The following ZNF347 variants were observed in gnomAD, a reference collection of about 807,000 sequenced individuals.
The protein encoded by ZNF347 is zinc finger protein 347, also known as CTD-2620I22.7.
In ZNF347, 19 loss-of-function variants were observed where a neutral mutation model predicts 12.9. The ratio of observed to expected loss-of-function variants is 1.47; its 90% CI spans 1.03 to 2.16. The LOEUF (loss-of-function observed/expected upper bound fraction) is 2.16, where lower values mean the gene tolerates loss of function less well. Ranked by LOEUF, ZNF347 falls within the 30% of genes most tolerant of loss-of-function variation. The pLI is 0.00. For missense variants in ZNF347, 1,005 were observed against 990.6 expected (o/e 1.01, Z -0.19); for synonymous variants, 328 against 340.6 (o/e 0.96, Z 0.41).
chr19:53,138,665 T>C lies in ZNF347; in HGVS notation c.*1643A>G, dbSNP rs886941839. 3 of 152,188 alleles carry C rather than the reference T, an allele frequency of 2.0e-5. No individual in the cohort carries two copies. The highest frequency in any genetic ancestry group is 2.9e-5 in the Non-Finnish European group (2 of 68,016). The allele number at this position is 152,188 out of a possible 1,614,324, so 9.4% of individuals were successfully genotyped here. On this transcript the variant is annotated 3_prime_UTR_variant, in exon 5 of 5. Transcript: ENST00000334197. ...ATGATTACATTTTCCCAAAATTGTATGTTGATTCCACAAAGAAAAAAAAAA... is the reference window on the plus strand; with the variant it reads ...ATGATTACATTTTCCCAAAATTGTACGTTGATTCCACAAAGAAAAAAAAAA...
chr19:53,142,722 C>T (rs572647073), intron 4 of ZNF347, among the ~76,000 whole-genome samples, 166 bp from the exon 5 acceptor site: 4 of 152,152 alleles, frequency 2.6e-5, no homozygotes, highest in Non-Finnish European at 5.9e-5. Flanking sequence ...TTTTTAGGAA[C>T]ACAAAGGAAA....
rs2090381234 is a variant in ZNF347, at chr19:53,135,333, T to TAGAGAGAGAGAGAGAG, written c.*4974_*4975insCTCTCTCTCTCTCTCT. On this transcript the variant is annotated 3_prime_UTR_variant, in exon 5 of 5. Coordinates refer to ENST00000334197, the MANE Select transcript of ZNF347 (RefSeq NM_032584.3). ...ATATATATATATATATATATATATA[T>TAGAGAGAGAGAGAGAG]ATATATAGAGAGAGAGAGAGAGAGA... The TAGAGAGAGAGAGAGAG allele has an allele frequency of 1.5e-5, 1 of 68,500 alleles. No homozygotes were observed. The highest frequency in any genetic ancestry group is 6.6e-5 in the African/African-American group (1 of 15,094). 4.2% of individuals were successfully genotyped at this position (68,500 alleles called of 1,614,324 possible). A position where few individuals can be genotyped will look rare whatever the true frequency, so the allele number is the denominator to read the frequency against.
At chr19:53,153,030 A>C (rs912026261) in intron 2 of ZNF347, among the ~76,000 whole-genome samples, 3 of 152,132 alleles carry the variant, frequency 2.0e-5, no homozygotes, top group Non-Finnish European at 4.4e-5. Context: ...CAAAATAATA[A>C]CCACTCTCAC....
chr19:53,137,202 T>C lies in ZNF347; in HGVS notation c.*3106A>G, dbSNP rs1200044574. Reference sequence around the variant, plus strand: ...ATTTCTGGCCATGCCTGGCCAGAAATCAGAAGTTGCAAGAGTAAATATTCA... The same window carrying C: ...ATTTCTGGCCATGCCTGGCCAGAAACCAGAAGTTGCAAGAGTAAATATTCA... On this transcript the variant is annotated 3_prime_UTR_variant, in exon 5 of 5. Coordinates refer to ENST00000334197, the MANE Select transcript of ZNF347 (RefSeq NM_032584.3). The C allele has an allele frequency of 6.6e-6, 1 of 151,958 alleles. No homozygotes were observed. The highest frequency in any genetic ancestry group is 1.5e-5 in the Non-Finnish European group (1 of 67,928). 9.4% of individuals were successfully genotyped at this position (151,958 alleles called of 1,614,324 possible).
chr19:53,144,884 T>C (rs528156592), intron 4 of ZNF347, among the ~76,000 whole-genome samples: 5 of 152,130 alleles, frequency 3.3e-5, no homozygotes, highest in East Asian at 1.9e-4. Context: ...ATAGATTATA[T>C]GTTAAGACAC....
rs755590467 is a variant in ZNF347 at position 53,142,210 on chromosome 19, T to C, written c.618A>G (p.Glu206=). 1 of 1,613,660 alleles carries C rather than the reference T, an allele frequency of 6.2e-7. No individual in the cohort carries two copies. Among genetic ancestry groups the C allele is most frequent in the Non-Finnish European group, 8.5e-7 (1 of 1,179,876 alleles). ...QLFQYEGKIY[E]CNQVEKSFNN... is the part of the protein sequence containing the mutation. ...TGAAAGACTTCTCAACCTGATTACATTCATAAATTTTCCCTTCATATTGAA... is the reference window on the plus strand; with the variant it reads ...TGAAAGACTTCTCAACCTGATTACACTCATAAATTTTCCCTTCATATTGAA... The change falls in exon 5 of 5, where the codon GAA becomes GAG. Residue 206 remains glutamate, a synonymous_variant. Transcript: ENST00000334197.
In ZNF347 at chr19:53,134,979, C is replaced by T. The variant is rs2090377015; in HGVS notation, c.*5329G>A. ...ATTTAATACAAAGTTACCACAATCACAATGATATATGAAGATAAACCATTT... is the reference window on the plus strand; with the variant it reads ...ATTTAATACAAAGTTACCACAATCATAATGATATATGAAGATAAACCATTT... On this transcript the variant is annotated 3_prime_UTR_variant, in exon 5 of 5. Coordinates refer to ENST00000334197, the MANE Select transcript of ZNF347 (RefSeq NM_032584.3). The T allele has an allele frequency of 1.3e-5, 2 of 151,978 alleles. No homozygotes were observed. The highest frequency in any genetic ancestry group is 2.9e-5 in the Non-Finnish European group (2 of 68,016). 9.4% of individuals were successfully genotyped at this position (151,978 alleles called of 1,614,324 possible).
Position 53,142,476 on chromosome 19 carries a change from A to T in ZNF347, c.352T>A (p.Leu118Met), listed in dbSNP as rs143697109. 3.7e-6 allele frequency: 6 copies of T among 1,613,834 alleles called. No individual in the cohort carries two copies. The African/African-American group carries it at 8.0e-5, about 22-fold the overall frequency. The change falls in exon 5 of 5, where the codon TTG becomes ATG. Residue 118 changes from leucine (L) to methionine (M), a missense_variant. Coordinates refer to ENST00000334197, the MANE Select transcript of ZNF347 (RefSeq NM_032584.3). ...NTGEVFQTVM[L>M]ERQESQDIEG... ...ATGTCTTGGCTTTCCTGTCTTTCCA[A>T]CATCACTGTTTGGAATACTTCTCCT...
rs1441673248 is a variant in ZNF347 at position 53,137,737 on chromosome 19, C to T, written c.*2571G>A. On this transcript the variant is annotated 3_prime_UTR_variant, in exon 5 of 5. Coordinates refer to ENST00000334197, the MANE Select transcript of ZNF347 (RefSeq NM_032584.3). ...TAAGAGGAAACTCATGAATATTAGT[C>T]TTGTCAAATTATGTGAGCATAGCAT... 6.6e-6 allele frequency: 1 copy of T among 152,094 alleles called. No individual in the cohort carries two copies. The highest frequency in any genetic ancestry group is 1.5e-5 in the Non-Finnish European group (1 of 68,006). The allele number at this position is 152,094 out of a possible 1,614,324, so 9.4% of individuals were successfully genotyped here.
intron 2 of ZNF347, among the ~76,000 whole-genome samples, chr19:53,150,894 C>A (rs1452471443): frequency 2.0e-5 from 3 of 152,168 alleles, no homozygotes; most frequent in African/African-American, 7.2e-5. Flanking sequence ...CACCCACCAC[C>A]ACACCCGGCT....
At chr19:53,154,033 C>T (rs899020550) in intron 1 of ZNF347, among the ~76,000 whole-genome samples, 3 of 152,128 alleles carry the variant, frequency 2.0e-5, no homozygotes, top group African/African-American at 7.2e-5. Context: ...ACCCACTCTC[C>T]TCCTGGAGAA....
At chr19:53,154,186 G>GTTCT (rs1311862262) in intron 1 of ZNF347, among the ~76,000 whole-genome samples, 4 of 152,200 alleles carry the variant, frequency 2.6e-5, no homozygotes, top group African/African-American at 9.6e-5. Context: ...TCAGGCCTCA[G>GTTCT]AAACAAAAGG....
chr19:53,142,091 AAAG>A lies in ZNF347; in HGVS notation c.734_736del (p.Ser245del), dbSNP rs1423546467. ...TGCTTTTTGCCCCTGTGTGAGTAAT[AAAG>A]AAGAGATAAAATCTTTGAGATATTT... On this transcript the variant is annotated inframe_deletion, in exon 5 of 5. Transcript: ENST00000334197. 3 of 1,612,934 alleles carry A rather than the reference AAAG, an allele frequency of 1.9e-6. No individual in the cohort carries two copies. Among genetic ancestry groups the A allele is most frequent in the Non-Finnish European group, 1.7e-6 (2 of 1,179,732 alleles).
In ZNF347 at chr19:53,149,381, C is replaced by A. The variant is rs1191749622; in HGVS notation, c.16-14G>T. The A allele has an allele frequency of 1.9e-6, 3 of 1,613,348 alleles. No individual in the cohort carries two copies. The highest frequency in any genetic ancestry group is 3.3e-5 in the Admixed American group (2 of 59,994). ...TGTCACCTGTCCCTAAAATGAAAAA[C>A]ACATCCACCAGGGGGATATAAGGAA... On this transcript the variant is annotated splice_polypyrimidine_tract_variant and intron_variant, in intron 2 of 4. Coordinates refer to ENST00000334197, the MANE Select transcript of ZNF347 (RefSeq NM_032584.3).
rs1599847326 is a variant in ZNF347, at chr19:53,134,943, T to C, written c.*5365A>G. 1 of 152,156 alleles carries C rather than the reference T, an allele frequency of 6.6e-6. No individual in the cohort carries two copies. Among genetic ancestry groups the C allele is most frequent in the South Asian group, 2.1e-4 (1 of 4,836 alleles). 9.4% of individuals were successfully genotyped at this position (152,156 alleles called of 1,614,324 possible). A position where few individuals can be genotyped will look rare whatever the true frequency, so the allele number is the denominator to read the frequency against. ...ATAAAATATAGACTTAATTGATCTA[T>C]AAAAATATAGATTTAATACAAAGTT... On this transcript the variant is annotated 3_prime_UTR_variant, in exon 5 of 5. Coordinates refer to ENST00000334197, the MANE Select transcript of ZNF347 (RefSeq NM_032584.3).
chr19:53,142,053 T>C lies in ZNF347; in HGVS notation c.775A>G (p.Ser259Gly), dbSNP rs1227868462. 12 of 1,613,762 alleles carry C rather than the reference T, an allele frequency of 7.4e-6. No individual in the cohort carries two copies. Among genetic ancestry groups the C allele is most frequent in the Non-Finnish European group, 9.3e-6 (11 of 1,179,934 alleles). ...TQGQKANNWG[S>G]PYKSNGCGMV... Reference sequence around the variant, plus strand: ...CCACATCCATTAGATTTGTAAGGGCTTCCCCAATTATTTGCTTTTTGCCCC... The same window carrying C: ...CCACATCCATTAGATTTGTAAGGGCCTCCCCAATTATTTGCTTTTTGCCCC... The change falls in exon 5 of 5, where the codon AGC becomes GGC. Residue 259 changes from serine to glycine, a missense_variant. Coordinates refer to ENST00000334197, the MANE Select transcript of ZNF347 (RefSeq NM_032584.3).
Position 53,140,194 on chromosome 19 carries a change from C to T in ZNF347, c.*114G>A. On this transcript the variant is annotated 3_prime_UTR_variant, in exon 5 of 5. Coordinates refer to ENST00000334197, the MANE Select transcript of ZNF347 (RefSeq NM_032584.3). ...GGATTACAGGCATGAGCCACTGCAC[C>T]CAGCCAGTCATTGCATTTTCAAGGA... is the stretch of plus-strand genomic sequence containing the variant. 9.0e-7 allele frequency: 1 copy of T among 1,114,386 alleles called. No homozygotes were observed. Among genetic ancestry groups the T allele is most frequent in the Non-Finnish European group, 1.3e-6 (1 of 779,638 alleles). 69.0% of individuals were successfully genotyped at this position (1,114,386 alleles called of 1,614,324 possible).
Position 53,153,834 on chromosome 19 carries a change from T to C in ZNF347, c.-46-41A>G, listed in dbSNP as rs567917450. 8.7e-6 allele frequency: 13 copies of C among 1,491,500 alleles called. No homozygotes were observed. The Admixed American group carries it at 1.7e-4, about 19-fold the overall frequency. 92.4% of individuals were successfully genotyped at this position (1,491,500 alleles called of 1,614,324 possible). A position where few individuals can be genotyped will look rare whatever the true frequency, so the allele number is the denominator to read the frequency against. ...AGTGCCTTTAGAAGTCAATATTGAA[T>C]ATCCAAAATGTGCTGTTTATTGCTC... On this transcript the variant is annotated intron_variant, in intron 1 of 4. Coordinates refer to ENST00000334197, the MANE Select transcript of ZNF347 (RefSeq NM_032584.3).
chr19:53,148,092 T>C (rs2090474480), intron 4 of ZNF347, among the ~76,000 whole-genome samples: 1 of 152,132 alleles, frequency 6.6e-6, no homozygotes, highest in African/African-American at 2.4e-5. Flanking sequence ...TCTGCTAAGA[T>C]CTGAAAGACA....
Sources: gnomAD v4.1 joint callset for allele counts (sites outside exome capture counted in the v4.1 genomes callset) on GRCh38, gnomAD v4.1.1 for gene constraint, MANE v1.5 for transcripts, NCBI Gene and HGNC (gene_info 2026-07-23, HGNC 2026-07-21) for gene names.